The following PRKCZ variants were observed in gnomAD, a reference collection of about 807,000 sequenced individuals.
PRKCZ encodes protein kinase C zeta type.
PRKCZ carries 33 observed loss-of-function variants against 79.5 expected under a neutral mutation model. The observed-to-expected ratio is 0.41, with a 90% CI of 0.31 to 0.55. The LOEUF (loss-of-function observed/expected upper bound fraction) is 0.55, where lower values mean the gene tolerates loss of function less well. Among genes scored for constraint, PRKCZ ranks in the 20% least tolerant of loss-of-function variants. The probability of loss-of-function intolerance (pLI) is 0.19; values close to 1 mark genes in which losing one functional copy is unlikely to be tolerated. For missense variants in PRKCZ, 578 were observed against 813.5 expected (o/e 0.71, Z 3.52); for synonymous variants, 342 against 320.9 (o/e 1.07, Z -0.70).
Position 2,118,744 on chromosome 1 carries a change from TGTGTGTGTGTGA to T in PRKCZ, c.335-16516_335-16505del, listed in dbSNP as rs1465597103. Among the ~76,000 whole-genome samples the T allele has an allele frequency of 5.9e-3, 879 of 149,020 alleles. 14 individuals carry two copies. The highest frequency in any genetic ancestry group is 0.019 in the African/African-American group (767 of 39,794). ...GTGTGTGTGTGTGTGTGTGTGTGTG[TGTGTGTGTGTGA>T]GATGAGGGGAGGGAGGGAAGGGGAC... On this transcript the variant is annotated intron_variant, in intron 4 of 17. Transcript: ENST00000378567.
At chr1:2,134,671 A>G (rs1452320153) in intron 4 of PRKCZ, 1 of 152,160 alleles carries the variant, frequency 6.6e-6, no homozygotes, top group African/African-American at 2.4e-5. Flanking sequence ...CCTGAGATTT[A>G]TTAGGTTAAA....
chr1:2,172,287 C>T lies in PRKCZ; in HGVS notation c.1198-14C>T, dbSNP rs759228683. On this transcript the variant is annotated splice_polypyrimidine_tract_variant and intron_variant, in intron 12 of 17. Transcript: ENST00000378567. The surrounding 1 kb of genome is among the most constrained non-coding windows in gnomAD (Gnocchi z 7.8). ...GTCTACAAGAACCCTCTCCCAGTAA[C>T]TTTGCCCCCACAGGAAGGCCTGGGC... 6 of 1,613,524 alleles carry T rather than the reference C, an allele frequency of 3.7e-6. No individual in the cohort carries two copies. Among genetic ancestry groups the T allele is most frequent in the Admixed American group, 1.7e-5 (1 of 60,000 alleles).
intron 4 of PRKCZ, among the ~76,000 whole-genome samples, chr1:2,087,357 A>G (rs1241885782): frequency 6.6e-6 from 1 of 152,118 alleles, no homozygotes; most frequent in Non-Finnish European, 1.5e-5. Flanking sequence ...TGCTGAGATT[A>G]TAGGTGTGAG....
At chr1:2,175,122 C>A in intron 15 of PRKCZ, 102 bp from the exon 16 acceptor site, 1 of 999,972 alleles carries the variant, frequency 1.0e-6, no homozygotes, top group South Asian at 1.4e-5. Context: ...GTCAGAGCAT[C>A]GGGGGAGGGC....
At chr1:2,051,477 C>T (rs938462763) in intron 1 of PRKCZ, among the ~76,000 whole-genome samples, 4 of 152,174 alleles carry the variant, frequency 2.6e-5, no homozygotes, top group African/African-American at 7.2e-5. Context: ...TCCACCTGTG[C>T]GCGTCTCCAG....
intron 4 of PRKCZ, among the ~76,000 whole-genome samples, chr1:2,102,474 A>G (rs1292611967): frequency 6.6e-6 from 1 of 151,854 alleles, no homozygotes; most frequent in African/African-American, 2.4e-5. Flanking sequence ...CTGGGAGTAC[A>G]GGCGCCCACC....
rs765833919 is a variant in PRKCZ, at chr1:2,146,066, A to G, written c.592A>G (p.Lys198Glu). 1.3e-5 allele frequency: 21 copies of G among 1,614,064 alleles called. No individual in the cohort carries two copies. The highest frequency in any genetic ancestry group is 1.7e-5 in the Non-Finnish European group (20 of 1,180,024). ...TTCCCAAGAGCCTCCAGTAGACGAC[A>G]AGAACGAGGACGCCGACCTTCCTTC... ...MPSQEPPVDD[K>E]NEDADLPSEE... The change falls in exon 7 of 18, where the codon AAG becomes GAG. Residue 198 changes from lysine to glutamate, a missense_variant. Coordinates refer to ENST00000378567, the MANE Select transcript of PRKCZ (RefSeq NM_002744.6).
In PRKCZ at chr1:2,169,662, C is replaced by T. The variant is rs1436157818; in HGVS notation, c.1061+58C>T. On this transcript the variant is annotated intron_variant, in intron 11 of 17. Coordinates refer to ENST00000378567, the MANE Select transcript of PRKCZ (RefSeq NM_002744.6). ...GCCCGGAGTTGGGGATGGGTGGGTG[C>T]GTGCGGTGTTGGGGGGCTGGGTGGG... 8 of 609,816 alleles carry T rather than the reference C, an allele frequency of 1.3e-5. No individual in the cohort carries two copies. In the African/African-American group the frequency reaches 1.3e-4, roughly 10 times the overall value. 37.8% of individuals were successfully genotyped at this position (609,816 alleles called of 1,614,324 possible).
Position 2,090,942 on chromosome 1 carries a change from C to T in PRKCZ, c.334+31351C>T, listed in dbSNP as rs181752638. Among the ~76,000 whole-genome samples the T allele has an allele frequency of 9.5e-4, 144 of 152,346 alleles. 1 individual carries two copies. The highest frequency in any genetic ancestry group is 6.8e-3 in the Middle Eastern group (2 of 294). ...TGATCTAAGCAGATTATTGAACACA[C>T]GTCTTAAATATCATCTTTTCAAACT... On this transcript the variant is annotated intron_variant, in intron 4 of 17. Coordinates refer to ENST00000378567, the MANE Select transcript of PRKCZ (RefSeq NM_002744.6).
rs569314854 is a variant in PRKCZ at position 2,094,320 on chromosome 1, G to T, written c.334+34729G>T. Among the ~76,000 whole-genome samples the T allele has an allele frequency of 1.3e-5, 2 of 152,326 alleles. No homozygotes were observed. The highest frequency in any genetic ancestry group is 3.9e-4 in the East Asian group (2 of 5,176). ...CTACCATGATGGTGCCTGGGATGCT[G>T]TGTGGTGCCCGTGGGCAGTGGCGGA... is the stretch of plus-strand genomic sequence containing the variant. On this transcript the variant is annotated intron_variant, in intron 4 of 17. Transcript: ENST00000378567. The surrounding 1 kb of genome is among the most constrained non-coding windows in gnomAD (Gnocchi z 7.3).
At chr1:2,077,777 C>T (rs912197421) in intron 4 of PRKCZ, among the ~76,000 whole-genome samples, 17 of 152,294 alleles carry the variant, frequency 1.1e-4, no homozygotes, top group Middle Eastern at 3.4e-3. Flanking sequence ...TATTTCTAGT[C>T]GTTTCCATTT....
In PRKCZ at chr1:2,166,656, A is replaced by G. The variant is rs548171065; in HGVS notation, c.975-2862A>G. Among the ~76,000 whole-genome samples the G allele has an allele frequency of 2.3e-3, 354 of 151,310 alleles. 1 individual carries two copies. Among genetic ancestry groups the G allele is most frequent in the African/African-American group, 8.1e-3 (332 of 41,192 alleles). On this transcript the variant is annotated intron_variant, in intron 10 of 17. Coordinates refer to ENST00000378567, the MANE Select transcript of PRKCZ (RefSeq NM_002744.6). ...CGACATGGCGAGTGTGGCTACCAGG[A>G]CACGGAGGGGCAGCCTCAGCCCCCC...
At chr1:2,052,175 G>A (rs1403763239) in intron 1 of PRKCZ, among the ~76,000 whole-genome samples, 2 of 152,152 alleles carry the variant, frequency 1.3e-5, no homozygotes, top group African/African-American at 4.8e-5. Flanking sequence ...GTCCACACCC[G>A]AGGGGCTGCA....
chr1:2,172,501 A>G lies in PRKCZ; in HGVS notation c.1285+113A>G, dbSNP rs1684626227. On this transcript the variant is annotated intron_variant, in intron 13 of 17. Coordinates refer to ENST00000378567, the MANE Select transcript of PRKCZ (RefSeq NM_002744.6). The surrounding 1 kb of genome is among the most constrained non-coding windows in gnomAD (Gnocchi z 7.8). ...TGACCATCTTACACCCAAAAGCCAC[A>G]CACTGTCTTTCCCAGCCGGATGTCA... The G allele has an allele frequency of 7.7e-6, 9 of 1,174,938 alleles. No individual in the cohort carries two copies. Among genetic ancestry groups the G allele is most frequent in the South Asian group, 1.6e-5 (1 of 64,396 alleles). 72.8% of individuals were successfully genotyped at this position (1,174,938 alleles called of 1,614,324 possible). A position where few individuals can be genotyped will look rare whatever the true frequency, so the allele number is the denominator to read the frequency against.
chr1:2,102,578 C>G (rs191955305), intron 4 of PRKCZ, among the ~76,000 whole-genome samples: 1 of 152,050 alleles, frequency 6.6e-6, no homozygotes, highest in East Asian at 1.9e-4. Context: ...GTGATCCGCC[C>G]GCCTTGGCCT....
Position 2,178,070 on chromosome 1 carries a change from T to TGGC in PRKCZ, c.1575+2758_1575+2760dup, listed in dbSNP as rs1211942029. On this transcript the variant is annotated intron_variant, in intron 16 of 17. Transcript: ENST00000378567. The surrounding 1 kb of genome is among the most constrained non-coding windows in gnomAD (Gnocchi z 4.3). ...GGTCACCACCACCCCCATGTGACCT[T>TGGC]GGCAGAAGGAAGGTCCTCCTCCCAT... 6.6e-6 allele frequency among the ~76,000 whole-genome samples: 1 copy of TGGC among 152,214 alleles called. No homozygotes were observed. The highest frequency in any genetic ancestry group is 1.5e-5 in the Non-Finnish European group (1 of 68,036).
At chr1:2,144,613 G>T (rs1332747073) in intron 6 of PRKCZ, 2 of 1,287,292 alleles carry the variant, frequency 1.6e-6, no homozygotes, top group African/African-American at 3.0e-5. Flanking sequence ...TGCTCAGTGG[G>T]TCGGAGGTAA....
intron 4 of PRKCZ, among the ~76,000 whole-genome samples, chr1:2,111,275 C>T (rs559862705): frequency 8.6e-5 from 13 of 151,924 alleles, no homozygotes; most frequent in Admixed American, 3.3e-4. Flanking sequence ...ACTTAGGGGA[C>T]GGGGAGGGAA....
rs367756487 is a variant in PRKCZ at position 2,169,663 on chromosome 1, G to A, written c.1061+59G>A. The A allele has an allele frequency of 3.2e-4, 410 of 1,286,114 alleles. 6 individuals carry two copies. The South Asian group carries it at 4.9e-3, about 15-fold the overall frequency. 79.7% of individuals were successfully genotyped at this position (1,286,114 alleles called of 1,614,324 possible). ...CCCGGAGTTGGGGATGGGTGGGTGC[G>A]TGCGGTGTTGGGGGGCTGGGTGGGT... is the stretch of plus-strand genomic sequence containing the variant. On this transcript the variant is annotated intron_variant, in intron 11 of 17. Coordinates refer to ENST00000378567, the MANE Select transcript of PRKCZ (RefSeq NM_002744.6).
Sources: gnomAD v4.1 joint callset for allele counts (sites outside exome capture counted in the v4.1 genomes callset) on GRCh38, gnomAD v4.1.1 for gene constraint, Gnocchi (gnomAD v3.1) non-coding constraint, MANE v1.5 for transcripts, NCBI Gene and HGNC (gene_info 2026-07-23, HGNC 2026-07-21) for gene names.